Variants in LIMCH1 observed in about 807,000 individuals in gnomAD.
The protein encoded by LIMCH1 is LIM and calponin homology domains 1, also known as LIM and calponin homology domains-containing protein 1.
Under a neutral mutation model 176.5 loss-of-function variants are expected in LIMCH1, and 113 were observed. The observed-to-expected ratio is 0.64, with a 90% CI of 0.55 to 0.75. LIMCH1 has a LOEUF of 0.75. LIMCH1 is among the 30% of genes least tolerant of loss of function. LIMCH1 has a pLI of 0.00. For synonymous variants in LIMCH1, 619 were observed against 645.9 expected, an observed-to-expected ratio of 0.96 and a Z score of 0.63; for missense variants, 1,674 against 1,814.9, an observed-to-expected ratio of 0.92 and a Z score of 1.41.
chr4:41,426,331 T>A (rs1274815839), intron 1 of LIMCH1, among the ~76,000 whole-genome samples: 2 of 152,194 alleles, frequency 1.3e-5, no homozygotes, highest in African/African-American at 2.4e-5. Flanking sequence ...CGTGAAAAGA[T>A]TCTTGTAAGA....
chr4:41,640,371 A>G (rs76158138), intron 14 of LIMCH1, among the ~76,000 whole-genome samples: 358 of 152,266 alleles, frequency 2.4e-3, no homozygotes, highest in African/African-American at 7.5e-3. Flanking sequence ...CTTAAAATAG[A>G]CCCCTGGGAA....
At chr4:41,586,653 T>C (rs907972261) in intron 1 of LIMCH1, among the ~76,000 whole-genome samples, 1 of 152,206 alleles carries the variant, frequency 6.6e-6, no homozygotes, top group Non-Finnish European at 1.5e-5. Context: ...GGCCATATAA[T>C]ATAGTAATGC....
chr4:41,454,930 GTATGCGTACA>G (rs1246270986), intron 1 of LIMCH1, among the ~76,000 whole-genome samples: 118 of 148,186 alleles, frequency 8.0e-4, no homozygotes, highest in African/African-American at 2.7e-3. Flanking sequence ...AGCTGTGCTT[GTATGCGTACA>G]TGTGTGTGTG....
intron 1 of LIMCH1, among the ~76,000 whole-genome samples, chr4:41,571,025 A>C (rs1052550457): frequency 6.6e-6 from 1 of 152,054 alleles, no homozygotes; most frequent in Non-Finnish European, 1.5e-5. Flanking sequence ...CCGTAAGAGG[A>C]TTTGTACCAG....
chr4:41,577,438 T>C (rs1305212922), intron 1 of LIMCH1, among the ~76,000 whole-genome samples: 1 of 152,200 alleles, frequency 6.6e-6, no homozygotes, highest in Non-Finnish European at 1.5e-5. Flanking sequence ...TATTTATTTA[T>C]TTACTTTTTG....
intron 1 of LIMCH1, among the ~76,000 whole-genome samples, chr4:41,367,492 C>CA (rs1256472915): frequency 2.6e-5 from 4 of 151,954 alleles, no homozygotes; most frequent in African/African-American, 7.3e-5. Context: ...CCCACCCATT[C>CA]ACCCCTAGAT....
chr4:41,418,897 CAT>C (rs2060182623), intron 1 of LIMCH1: 1 of 152,024 alleles, frequency 6.6e-6, no homozygotes, highest in Non-Finnish European at 1.5e-5. Context: ...AGAGAACAAA[CAT>C]ATATTTTGAT....
chr4:41,582,627 C>G (rs1033867699), intron 1 of LIMCH1, among the ~76,000 whole-genome samples: 102 of 152,162 alleles, frequency 6.7e-4, no homozygotes, highest in African/African-American at 2.4e-3. Context: ...CATTATGTCT[C>G]TGTAGTTCAC....
At chr4:41,390,976 A>T (rs768376210) in intron 1 of LIMCH1, among the ~76,000 whole-genome samples, 18 of 152,174 alleles carry the variant, frequency 1.2e-4, no homozygotes, top group Non-Finnish European at 2.6e-4. Context: ...CCAATTAGGG[A>T]TTCTCTTATG....
Position 41,687,916 on chromosome 4 carries a change from A to T in LIMCH1, c.4165A>T (p.Arg1389Trp), listed in dbSNP as rs1451926595. The change falls in exon 29 of 32, where the codon AGG becomes TGG. Residue 1389 changes from arginine to tryptophan, a missense_variant and splice_region_variant. By Grantham distance (101) the Arg-to-Trp change is moderately radical (BLOSUM62 -3). Transcript: ENST00000503057. ...CACCCCTCCCGGTCAGTCACCAAAC[A>T]GGTACAAGAGGTCAGCAGGCCTTTC... The part of the protein sequence containing the change: ...SPTPPGQSPN[R>W]SISGKKLCSS... 1 of 1,612,336 alleles carries T rather than the reference A, an allele frequency of 6.2e-7. No individual in the cohort carries two copies. Among genetic ancestry groups the T allele is most frequent in the South Asian group, 1.1e-5 (1 of 90,976 alleles).
intron 1 of LIMCH1, among the ~76,000 whole-genome samples, chr4:41,435,810 A>G (rs1292871294): frequency 6.6e-6 from 1 of 152,196 alleles, no homozygotes; most frequent in East Asian, 1.9e-4. Context: ...ATAAAAATGT[A>G]TTAAGTAGAA....
intron 1 of LIMCH1, among the ~76,000 whole-genome samples, chr4:41,413,796 C>T (rs1007621227): frequency 3.3e-5 from 5 of 151,950 alleles, no homozygotes; most frequent in Non-Finnish European, 5.9e-5. Context: ...AATGTAAAGC[C>T]GACCTCAAGT....
At chr4:41,588,182 G>A (rs868039645) in intron 1 of LIMCH1, among the ~76,000 whole-genome samples, 2 of 151,792 alleles carry the variant, frequency 1.3e-5, no homozygotes, top group African/African-American at 2.4e-5. Flanking sequence ...GAGAATATGC[G>A]GTGTTTGGTT....
At chr4:41,660,649 T>G (rs986911818) in intron 18 of LIMCH1, among the ~76,000 whole-genome samples, 1 of 152,170 alleles carries the variant, frequency 6.6e-6, no homozygotes, top group African/African-American at 2.4e-5. Flanking sequence ...AAACAGAAAT[T>G]GTCAAATTTG....
At chr4:41,677,207 GGAGACTAGCCT>G in intron 23 of LIMCH1, among the ~76,000 whole-genome samples, 1 of 150,674 alleles carries the variant, frequency 6.6e-6, no homozygotes, top group Non-Finnish European at 1.5e-5. Flanking sequence ...GTCAGGAGTT[GGAGACTAGCCT>G]GAGACCAACA....
intron 1 of LIMCH1, among the ~76,000 whole-genome samples, chr4:41,594,144 A>G (rs554961377): frequency 2.6e-5 from 4 of 152,330 alleles, no homozygotes; most frequent in African/African-American, 9.6e-5. Context: ...TCCAATGTGC[A>G]GTTTATATTT....
intron 17 of LIMCH1, among the ~76,000 whole-genome samples, chr4:41,648,412 A>C (rs1422824717): frequency 1.3e-5 from 2 of 152,148 alleles, no homozygotes; most frequent in Non-Finnish European, 2.9e-5. Context: ...CTCAGGAAGC[A>C]CTTCCATGGA....
chr4:41,456,864 C>T (rs1418528070), intron 1 of LIMCH1, among the ~76,000 whole-genome samples: 3 of 152,092 alleles, frequency 2.0e-5, no homozygotes, highest in Non-Finnish European at 1.5e-5. Context: ...GAGACTTTAG[C>T]GAGACTGTCA....
At position 41,646,825 on chromosome 4, in the gene LIMCH1, G is replaced by A; in HGVS notation, c.2752G>A (p.Val918Met). Reference sequence around the variant, plus strand: ...AAGCAAAACTGTCACTCCCAAAGCAGTGCCTATGCTGACACCCAAGCCTTA... The same window carrying A: ...AAGCAAAACTGTCACTCCCAAAGCAATGCCTATGCTGACACCCAAGCCTTA... ...SPSKTVTPKA[V>M]PMLTPKPYSQ... The change falls in exon 17 of 32, where the codon GTG becomes ATG. Residue 918 changes from valine to methionine, a missense_variant. Transcript: ENST00000503057. The A allele has an allele frequency of 6.2e-7, 1 of 1,614,176 alleles. No individual in the cohort carries two copies. The highest frequency in any genetic ancestry group is 8.5e-7 in the Non-Finnish European group (1 of 1,180,024).
Sources: allele counts gnomAD v4.1 joint callset (sites outside exome capture counted in the v4.1 genomes callset), GRCh38; gene constraint gnomAD v4.1.1; transcripts MANE v1.5; gene names NCBI Gene and HGNC (gene_info 2026-07-23, HGNC 2026-07-21).